The following MOCOS variants were observed in gnomAD, a reference collection of about 807,000 sequenced individuals.
MOCOS encodes the protein molybdenum cofactor sulfurase, also known as human molybdenum cofactor sulfurase.
Under a neutral mutation model 83.6 loss-of-function variants are expected in MOCOS, and 86 were observed. That is an observed-to-expected ratio of 1.03 (90% CI 0.86 to 1.23). The LOEUF (loss-of-function observed/expected upper bound fraction) is 1.23. MOCOS is among the 50% of genes most tolerant of loss of function. The pLI, the probability that MOCOS is intolerant of heterozygous loss-of-function variation, is 0.00. For synonymous variants in MOCOS, 445 were observed against 434.7 expected, an observed-to-expected ratio of 1.02 and a Z score of -0.29; for missense variants, 1,120 against 1,126.9, an observed-to-expected ratio of 0.99 and a Z score of 0.09.
At chr18:36,219,248 CAT>C (rs1409013991) in intron 8 of MOCOS, among the ~76,000 whole-genome samples, 1 of 151,838 alleles carries the variant, frequency 6.6e-6, no homozygotes, top group Non-Finnish European at 1.5e-5. Context: ...AGTGCAATGA[CAT>C]GATCTCGGCT....
intron 9 of MOCOS, among the ~76,000 whole-genome samples, chr18:36,245,360 G>T (rs912504615): frequency 2.0e-5 from 3 of 152,068 alleles, no homozygotes; most frequent in Non-Finnish European, 4.4e-5. Flanking sequence ...TTCTAAAAAC[G>T]ACTTTATCTT....
At chr18:36,263,188 T>C (rs1227005888) in intron 13 of MOCOS, among the ~76,000 whole-genome samples, 5 of 152,218 alleles carry the variant, frequency 3.3e-5, no homozygotes, top group African/African-American at 4.8e-5. Flanking sequence ...CTAGCACATC[T>C]CTTTTGGAAA....
At position 36,215,691 on chromosome 18, in the gene MOCOS, A is replaced by G; in HGVS notation, c.1511A>G (p.Asp504Gly). 6.2e-7 allele frequency: 1 copy of G among 1,614,142 alleles called. No individual in the cohort carries two copies. Among genetic ancestry groups the G allele is most frequent in the Non-Finnish European group, 8.5e-7 (1 of 1,180,030 alleles). Reference sequence around the variant, plus strand: ...TGGCCTGTCCCTCAGGCCCATGCTGACACCGGGGAGACTGGAGCCCCATCA... The same window carrying G: ...TGGCCTGTCCCTCAGGCCCATGCTGGCACCGGGGAGACTGGAGCCCCATCA... ...GDWPVPQAHA[D>G]TGETGAPSAD... The change falls in exon 8 of 15, where the codon GAC becomes GGC. Residue 504 changes from aspartate to glycine, a missense_variant. Coordinates refer to ENST00000261326, the MANE Select transcript of MOCOS (RefSeq NM_017947.4).
rs532351215 is a variant in MOCOS at position 36,230,151 on chromosome 18, C to T, written c.1960+9934C>T. 7.9e-5 allele frequency among the ~76,000 whole-genome samples: 12 copies of T among 152,258 alleles called. No homozygotes were observed. The South Asian group carries it at 1.5e-3, about 18-fold the overall frequency. ...AGGCTGGAGTACAGTGGCACGATCT[C>T]GGCTTACTGCAACCTTTGCCCTGAG... On this transcript the variant is annotated intron_variant, in intron 9 of 14. Transcript: ENST00000261326.
At chr18:36,241,720 T>C (rs975770506) in intron 9 of MOCOS, among the ~76,000 whole-genome samples, 19 of 152,240 alleles carry the variant, frequency 1.2e-4, no homozygotes, top group African/African-American at 4.1e-4. Context: ...TGCAGACTTC[T>C]GTCTGGATAT....
At chr18:36,239,476 G>A (rs2091572810) in intron 9 of MOCOS, among the ~76,000 whole-genome samples, 1 of 151,600 alleles carries the variant, frequency 6.6e-6, no homozygotes, top group African/African-American at 2.4e-5. Flanking sequence ...ACTCTCTTCT[G>A]GCTTGTAGGG....
chr18:36,209,224 A>G (rs1417476596), intron 6 of MOCOS, among the ~76,000 whole-genome samples: 1 of 150,692 alleles, frequency 6.6e-6, no homozygotes, highest in Non-Finnish European at 1.5e-5. Context: ...TGTTGCCCAG[A>G]CTGGAGTTCA....
At chr18:36,248,186 C>G (rs745744252) in intron 9 of MOCOS, among the ~76,000 whole-genome samples, 2 of 151,604 alleles carry the variant, frequency 1.3e-5, no homozygotes, top group Non-Finnish European at 2.9e-5. Flanking sequence ...GTTTGCATTC[C>G]CCTGATGATT....
chr18:36,220,907 C>T (rs2091493636), intron 9 of MOCOS, among the ~76,000 whole-genome samples: 1 of 144,328 alleles, frequency 6.9e-6, no homozygotes, highest in Non-Finnish European at 1.5e-5. Context: ...CCAGCTTGGG[C>T]AACAGAGGGT....
At chr18:36,203,664 A>G (rs900304893) in intron 5 of MOCOS, among the ~76,000 whole-genome samples, 1 of 152,230 alleles carries the variant, frequency 6.6e-6, no homozygotes, top group African/African-American at 2.4e-5. Context: ...ATGCCTAACC[A>G]TGAGCACCCA....
chr18:36,266,666 C>A, intron 13 of MOCOS, 83 bp from the exon 14 acceptor site: 1 of 1,147,080 alleles, frequency 8.7e-7, no homozygotes, highest in Non-Finnish European at 1.3e-6. Flanking sequence ...GGGGACTGGG[C>A]ATTTCTGTGT....
intron 2 of MOCOS, 59 bp downstream of exon 2, chr18:36,195,405 C>A (rs1319324500): frequency 7.1e-7 from 1 of 1,405,454 alleles, no homozygotes; most frequent in Non-Finnish European, 1.0e-6. Context: ...TATACCTGTG[C>A]ATGTTAAACG....
intron 6 of MOCOS, among the ~76,000 whole-genome samples, chr18:36,212,881 G>T (rs1439684863): frequency 6.6e-6 from 1 of 152,194 alleles, no homozygotes; most frequent in African/African-American, 2.4e-5. Flanking sequence ...TTGGGGAATG[G>T]AGTACTTGAT....
Position 36,193,317 on chromosome 18 carries a change from C to CAAAAAAAAAA in MOCOS, c.143-1911_143-1902dup, listed in dbSNP as rs555145311. On this transcript the variant is annotated intron_variant, in intron 1 of 14. Coordinates refer to ENST00000261326, the MANE Select transcript of MOCOS (RefSeq NM_017947.4). ...TGGGCGACAGAGCGAGACTCCGTCT[C>CAAAAAAAAAA]AAAAAAAAAAAAAAAAAAAAAAAAA... is the stretch of plus-strand genomic sequence containing the variant. 7.8e-4 allele frequency among the ~76,000 whole-genome samples: 30 copies of CAAAAAAAAAA among 38,308 alleles called. 2 individuals carry two copies. Among genetic ancestry groups the CAAAAAAAAAA allele is most frequent in the African/African-American group, 2.8e-3 (27 of 9,782 alleles). The allele number at this position is 38,308 out of a possible 152,430, so 25.1% of individuals were successfully genotyped here. A position where few individuals can be genotyped will look rare whatever the true frequency, so the allele number is the denominator to read the frequency against.
At chr18:36,203,039 C>T in intron 4 of MOCOS, 74 bp from the exon 5 acceptor site, 1 of 1,414,028 alleles carries the variant, frequency 7.1e-7, no homozygotes, top group South Asian at 1.1e-5. Context: ...ATCTAAAGCT[C>T]ATTATATACC....
chr18:36,242,900 A>G (rs2091589090), intron 9 of MOCOS, among the ~76,000 whole-genome samples: 1 of 152,222 alleles, frequency 6.6e-6, no homozygotes, highest in Admixed American at 6.5e-5. Flanking sequence ...CATAGAGCCA[A>G]ACCATATCAG....
chr18:36,229,939 G>GT (rs755584702), intron 9 of MOCOS, among the ~76,000 whole-genome samples: 16 of 151,932 alleles, frequency 1.1e-4, no homozygotes, highest in Admixed American at 1.3e-4. Flanking sequence ...TCTTTATAGA[G>GT]TTATTTTAAA....
At chr18:36,219,676 C>G (rs536633469) in intron 8 of MOCOS, among the ~76,000 whole-genome samples, 1 of 152,032 alleles carries the variant, frequency 6.6e-6, no homozygotes, top group Admixed American at 6.6e-5. Flanking sequence ...AAGACTCCAT[C>G]TTAAAAACAA....
At position 36,268,716 on chromosome 18, in the gene MOCOS, AC is replaced by A; in HGVS notation, c.*32del. Reference sequence around the variant, plus strand: ...ATTTTTAGCATAAAGTTTCTCTTTTACAGTGATCTCTATTATTGTTAAGATC... The same window carrying A: ...ATTTTTAGCATAAAGTTTCTCTTTTAAGTGATCTCTATTATTGTTAAGATC... On this transcript the variant is annotated 3_prime_UTR_variant, in exon 15 of 15. Transcript: ENST00000261326. 1 of 1,544,460 alleles carries A rather than the reference AC, an allele frequency of 6.5e-7. No individual in the cohort carries two copies. The highest frequency in any genetic ancestry group is 1.1e-5 in the South Asian group (1 of 89,878).
Sources: allele counts gnomAD v4.1 joint callset (sites outside exome capture counted in the v4.1 genomes callset), GRCh38; gene constraint gnomAD v4.1.1; transcripts MANE v1.5; gene names NCBI Gene and HGNC (gene_info 2026-07-23, HGNC 2026-07-21).